The following KLHL13 variants were observed in gnomAD, a reference collection of about 807,000 sequenced individuals.
KLHL13 encodes the protein kelch-like protein 13.
In KLHL13, 10 loss-of-function variants were observed where a neutral mutation model predicts 37.1. The ratio of observed to expected loss-of-function variants is 0.27; its 90% CI spans 0.17 to 0.46. The LOEUF (loss-of-function observed/expected upper bound fraction) is 0.46, where lower values mean the gene tolerates loss of function less well. KLHL13 is among the 20% of genes least tolerant of loss of function. The pLI, the probability that KLHL13 is intolerant of heterozygous loss-of-function variation, is 1.00. For missense variants in KLHL13, 360 were observed against 509.3 expected (o/e 0.71, Z 2.82); for synonymous variants, 163 against 181.2 (o/e 0.90, Z 0.81).
chrX:117,994,744 C>T (rs1191292104), intron 1 of KLHL13, among the ~76,000 whole-genome samples: 2 of 112,011 alleles, frequency 1.8e-5, no homozygotes, highest in African/African-American at 6.5e-5. Context: ...TCTCGTTCAA[C>T]TTTCATAAAC....
intron 1 of KLHL13, among the ~76,000 whole-genome samples, chrX:118,011,533 G>A (rs928723599): frequency 6.3e-5 from 7 of 110,494 alleles, no homozygotes; most frequent in African/African-American, 2.0e-4. Context: ...CAAATTATGT[G>A]GGCCAAATCT....
intron 1 of KLHL13, among the ~76,000 whole-genome samples, chrX:118,109,566 A>G (rs2055385242): frequency 8.9e-6 from 1 of 112,263 alleles, no homozygotes; most frequent in South Asian, 3.7e-4. Flanking sequence ...GTTCTCCTAA[A>G]TCTCTGTGTA....
intron 2 of KLHL13, among the ~76,000 whole-genome samples, chrX:117,928,495 C>T (rs1424801884): frequency 9.0e-6 from 1 of 111,600 alleles, no homozygotes; most frequent in Non-Finnish European, 1.9e-5. Flanking sequence ...TCAAGTCATA[C>T]AAATTATTAA....
chrX:118,026,447 G>A (rs901019781), intron 1 of KLHL13, among the ~76,000 whole-genome samples: 7 of 111,507 alleles, frequency 6.3e-5, no homozygotes, highest in African/African-American at 2.3e-4. Flanking sequence ...AGTTTGAAAA[G>A]AGCCTCTATC....
At chrX:118,113,624 C>T (rs2055436544) in intron 1 of KLHL13, among the ~76,000 whole-genome samples, 1 of 112,271 alleles carries the variant, frequency 8.9e-6, no homozygotes, top group Non-Finnish European at 1.9e-5. Context: ...GGCCTATTCT[C>T]TCTTCTCTTT....
chrX:118,020,091 T>C (rs1404331985), intron 1 of KLHL13, among the ~76,000 whole-genome samples: 7 of 110,473 alleles, frequency 6.3e-5, no homozygotes, highest in Non-Finnish European at 1.1e-4. Flanking sequence ...GGCAGTATGG[T>C]CATTTTCACG....
At chrX:117,991,729 C>T (rs2053791216) in intron 1 of KLHL13, among the ~76,000 whole-genome samples, 1 of 111,038 alleles carries the variant, frequency 9.0e-6, no homozygotes. Flanking sequence ...TATAGTAAAC[C>T]TGTGAAGAGG....
intron 1 of KLHL13, among the ~76,000 whole-genome samples, chrX:118,041,856 G>A (rs1346675319): frequency 8.9e-6 from 1 of 111,788 alleles, no homozygotes; most frequent in Non-Finnish European, 1.9e-5. Flanking sequence ...CAAAATGGCT[G>A]AAGTCCTTAC....
At chrX:118,049,539 G>A (rs1488535738) in intron 1 of KLHL13, among the ~76,000 whole-genome samples, 1 of 110,422 alleles carries the variant, frequency 9.1e-6, no homozygotes, top group African/African-American at 3.3e-5. Flanking sequence ...CACTAAAGAG[G>A]TCTTATCCTA....
At chrX:118,027,117 G>A (rs1207357957) in intron 1 of KLHL13, among the ~76,000 whole-genome samples, 1 of 111,476 alleles carries the variant, frequency 9.0e-6, no homozygotes, top group Non-Finnish European at 1.9e-5. Context: ...TTTCAGAAGG[G>A]CCAAAGGACT....
At chrX:118,056,311 A>C (rs1030299924) in intron 1 of KLHL13, among the ~76,000 whole-genome samples, 1 of 112,098 alleles carries the variant, frequency 8.9e-6, no homozygotes, top group Non-Finnish European at 1.9e-5. Flanking sequence ...ACAGAATAAG[A>C]TCTAAATAAA....
Position 117,917,231 on chromosome X carries a change from G to A in KLHL13, c.570+2290C>T, listed in dbSNP as rs762810830. ...CTAAAACCATACAGACATATCCTCT[G>A]CAAAAAAGGATGAAGGACAAGTAAG... On this transcript the variant is annotated intron_variant, in intron 4 of 6. Coordinates refer to ENST00000262820, the Ensembl canonical transcript of KLHL13. 2.7e-5 allele frequency among the ~76,000 whole-genome samples: 3 copies of A among 111,472 alleles called. No individual in the cohort carries two copies. The East Asian group carries it at 8.4e-4, about 31-fold the overall frequency.
exon 3 of KLHL13, chrX:117,920,348 T>C: frequency 2.5e-6 from 3 of 1,207,336 alleles, no homozygotes; most frequent in Non-Finnish European, 3.4e-6. Context: ...AAGCAATCCT[T>C]CAAGTCGAAG....
At chrX:117,909,373 T>C in exon 5 of KLHL13, 1 of 1,210,695 alleles carries the variant, frequency 8.3e-7, no homozygotes, top group Non-Finnish European at 1.1e-6. Flanking sequence ...TGGAAGAAGG[T>C]GCGCTTTTCA....
chrX:118,026,621 A>G (rs28479841), intron 1 of KLHL13, among the ~76,000 whole-genome samples: 1 of 112,193 alleles, frequency 8.9e-6, no homozygotes. Context: ...CATTTTAGAA[A>G]GGGATGAGAT....
At chrX:118,020,545 G>T (rs2054192594) in intron 1 of KLHL13, among the ~76,000 whole-genome samples, 2 of 110,911 alleles carry the variant, frequency 1.8e-5, no homozygotes, top group African/African-American at 6.6e-5. Flanking sequence ...CTGTTGGTGG[G>T]ACTGTAAACT....
chrX:118,036,541 T>C (rs1375801887), intron 1 of KLHL13, among the ~76,000 whole-genome samples: 1 of 111,954 alleles, frequency 8.9e-6, no homozygotes. Flanking sequence ...GCTAGCCATA[T>C]GTAGAAAGCT....
Position 118,011,779 on chromosome X carries a change from G to T in KLHL13, c.-55-66204C>A, listed in dbSNP as rs774819401. Among the ~76,000 whole-genome samples, 167 of 111,746 alleles carry T rather than the reference G, an allele frequency of 1.5e-3. 1 individual carries two copies. The highest frequency in any genetic ancestry group is 2.3e-3 in the Non-Finnish European group (121 of 53,139). On this transcript the variant is annotated intron_variant, in intron 1 of 6. Coordinates refer to the KLHL13 transcript ENST00000371882. Reference sequence around the variant, plus strand: ...TTACATGGGATTGGACATTGGATATGTCATGTTTACAATACTGGGGAATCT... The same window carrying T: ...TTACATGGGATTGGACATTGGATATTTCATGTTTACAATACTGGGGAATCT...
rs1444526655 is a variant in KLHL13, at chrX:117,909,756, G to A, written c.911C>T (p.Thr304Ile). ...AAGCAAATTCACACAAGTATTGTCA[G>A]TTCTCATGAAATCCACCGTTTGCAC... is the stretch of plus-strand genomic sequence containing the variant. Residue 304 changes from threonine (T) to isoleucine (I), a missense_variant, in exon 5 of 7, where the codon ACT becomes ATT. Transcript: ENST00000262820. 6 of 1,210,073 alleles carry A rather than the reference G, an allele frequency of 5.0e-6. No individual in the cohort carries two copies. The highest frequency in any genetic ancestry group is 6.7e-6 in the Non-Finnish European group (6 of 894,988).
Sources: gnomAD v4.1 joint callset for allele counts (sites outside exome capture counted in the v4.1 genomes callset) on GRCh38, gnomAD v4.1.1 for gene constraint, MANE v1.5 for transcripts, NCBI Gene and HGNC (gene_info 2026-07-23, HGNC 2026-07-21) for gene names.